Variants in DEUP1 observed in about 807,000 individuals in gnomAD.
DEUP1 encodes coiled-coil domain containing 67.
In DEUP1, 82 loss-of-function variants were observed where a neutral mutation model predicts 87.4. The observed-to-expected ratio is 0.94, with a 90% CI of 0.78 to 1.13. The LOEUF (loss-of-function observed/expected upper bound fraction) is 1.13. Ranked by LOEUF, DEUP1 falls within the 50% of genes most tolerant of loss-of-function variation. The pLI is 0.00. For synonymous variants in DEUP1, 214 were observed against 222.7 expected (o/e 0.96, Z 0.35); for missense variants, 663 against 681.5 (o/e 0.97, Z 0.30).
At chr11:93,382,472 G>A (rs1565322986) in intron 7 of DEUP1, among the ~76,000 whole-genome samples, 2 of 152,018 alleles carry the variant, frequency 1.3e-5, no homozygotes, top group Non-Finnish European at 1.5e-5. Flanking sequence ...CTTTTTTCCT[G>A]TCAATGGTGT....
intron 13 of DEUP1, among the ~76,000 whole-genome samples, chr11:93,436,728 A>G (rs952487080): frequency 2.6e-5 from 4 of 152,198 alleles, no homozygotes; most frequent in African/African-American, 9.6e-5. Context: ...CATTCTTCCT[A>G]CCAAAATGAA....
intron 2 of DEUP1, among the ~76,000 whole-genome samples, chr11:93,335,959 A>G (rs1241950596): frequency 1.3e-5 from 2 of 152,064 alleles, no homozygotes; most frequent in African/African-American, 4.8e-5. Flanking sequence ...TACTAAAAAT[A>G]AAAATTAGCC....
intron 11 of DEUP1, among the ~76,000 whole-genome samples, chr11:93,404,401 G>C (rs927748953): frequency 6.6e-6 from 1 of 151,958 alleles, no homozygotes; most frequent in Non-Finnish European, 1.5e-5. Flanking sequence ...CTCAGAATCT[G>C]TGGTAATTTT....
At chr11:93,331,358 G>A (rs981886023) in intron 1 of DEUP1, among the ~76,000 whole-genome samples, 1 of 144,926 alleles carries the variant, frequency 6.9e-6, no homozygotes, top group Non-Finnish European at 1.5e-5. Context: ...TTGTGTTACT[G>A]AGAAAAACTT....
intron 13 of DEUP1, among the ~76,000 whole-genome samples, chr11:93,415,958 C>A (rs914651991): frequency 6.6e-6 from 1 of 151,970 alleles, no homozygotes; most frequent in Admixed American, 6.6e-5. Context: ...CCAAAAAATT[C>A]TTTTATGAGT....
At position 93,373,640 on chromosome 11, in the gene DEUP1, TATATATATATAC is replaced by T. The variant is rs1565316514; in HGVS notation, c.789+2361_789+2372del. Among the ~76,000 whole-genome samples, 432 of 142,354 alleles carry T rather than the reference TATATATATATAC, an allele frequency of 3.0e-3. 3 individuals carry two copies. The highest frequency in any genetic ancestry group is 1.0e-2 in the African/African-American group (391 of 39,180). 93.4% of individuals were successfully genotyped at this position (142,354 alleles called of 152,430 possible). ...ATATATATACGTATATATATATATA[TATATATATATAC>T]GTATATATATGCCACATTTTCTTTA... On this transcript the variant is annotated intron_variant, in intron 7 of 13. Transcript: ENST00000298050.
At chr11:93,341,902 C>T (rs1399985763) in intron 2 of DEUP1, among the ~76,000 whole-genome samples, 2 of 152,188 alleles carry the variant, frequency 1.3e-5, no homozygotes, top group Non-Finnish European at 1.5e-5. Flanking sequence ...AGGGGAGAAT[C>T]TTTTCCTTGT....
At chr11:93,368,987 C>T (rs1440773110) in intron 5 of DEUP1, among the ~76,000 whole-genome samples, 2 of 151,534 alleles carry the variant, frequency 1.3e-5, no homozygotes, top group African/African-American at 2.4e-5. Flanking sequence ...CACCAGCCAC[C>T]CCCCAACACA....
Position 93,385,552 on chromosome 11 carries a change from T to C in DEUP1, c.935+9T>C, listed in dbSNP as rs1023143223. The stretch of plus-strand genomic sequence containing the variant: ...CAAGGAAATAAAACAAGGTATAATC[T>C]TTATATTTGACAATCTGAGAGAACT... On this transcript the variant is annotated intron_variant, in intron 8 of 13. Coordinates refer to ENST00000298050, the MANE Select transcript of DEUP1 (RefSeq NM_181645.4). 4 of 1,578,336 alleles carry C rather than the reference T, an allele frequency of 2.5e-6. No individual in the cohort carries two copies. The African/African-American group carries it at 4.1e-5, about 16-fold the overall frequency.
intron 2 of DEUP1, among the ~76,000 whole-genome samples, chr11:93,345,952 A>T (rs3019219): frequency 0.57 from 85,855 of 151,920 alleles, 24,749 homozygotes; most frequent in Admixed American, 0.67. Context: ...TAGAATAGTG[A>T]TGCCTAGGTT....
intron 9 of DEUP1, among the ~76,000 whole-genome samples, chr11:93,391,498 A>G (rs1946764027): frequency 6.6e-6 from 1 of 152,122 alleles, no homozygotes; most frequent in African/African-American, 2.4e-5. Context: ...TCACGAGGTC[A>G]GGAGTTTGAG....
intron 11 of DEUP1, among the ~76,000 whole-genome samples, chr11:93,397,244 T>C (rs1381969995): frequency 3.3e-5 from 5 of 152,196 alleles, no homozygotes; most frequent in African/African-American, 1.2e-4. Context: ...GTTCTCATAA[T>C]GGTCCATATT....
chr11:93,437,717 T>G lies in DEUP1; in HGVS notation c.1813T>G (p.Ter605GlyextTer41). 6.3e-7 allele frequency: 1 copy of G among 1,575,696 alleles called. No individual in the cohort carries two copies. Among genetic ancestry groups the G allele is most frequent in the Admixed American group, 1.7e-5 (1 of 58,656 alleles). Residue 605 changes from the stop codon to glycine (G), a stop_lost, in exon 14 of 14, where the codon TGA (stop) becomes GGA (glycine). Coordinates refer to ENST00000298050, the MANE Select transcript of DEUP1 (RefSeq NM_181645.4). ...YSKLKQNRHI[*>G] is the part of the protein sequence containing the mutation. Reference sequence around the variant, plus strand: ...CAAGCTAAAACAAAATAGACACATATGAGCTTTTAAACTTTTTTATTTGCT... The same window carrying G: ...CAAGCTAAAACAAAATAGACACATAGGAGCTTTTAAACTTTTTTATTTGCT...
chr11:93,372,285 G>T (rs1250407583), intron 7 of DEUP1, among the ~76,000 whole-genome samples: 3 of 151,978 alleles, frequency 2.0e-5, no homozygotes, highest in Non-Finnish European at 4.4e-5. Flanking sequence ...TCCCATTTTA[G>T]GTTTTTTCTC....
intron 5 of DEUP1, among the ~76,000 whole-genome samples, chr11:93,367,813 T>C (rs915064958): frequency 6.6e-6 from 1 of 152,226 alleles, no homozygotes; most frequent in African/African-American, 2.4e-5. Context: ...TGTTGTTTTC[T>C]TTACAACATT....
chr11:93,435,241 G>A (rs1256192833), intron 13 of DEUP1, among the ~76,000 whole-genome samples: 1 of 152,044 alleles, frequency 6.6e-6, no homozygotes, highest in African/African-American at 2.4e-5. Flanking sequence ...TGGTCTCCTT[G>A]AGGGATGATG....
At chr11:93,402,552 A>G (rs1947150209) in intron 11 of DEUP1, among the ~76,000 whole-genome samples, 1 of 151,874 alleles carries the variant, frequency 6.6e-6, no homozygotes, top group African/African-American at 2.4e-5. Context: ...AGATACCTGC[A>G]CTCCTGTGTT....
chr11:93,331,946 T>C (rs1396253162), intron 1 of DEUP1, among the ~76,000 whole-genome samples: 2 of 151,966 alleles, frequency 1.3e-5, no homozygotes, highest in East Asian at 3.9e-4. Context: ...GAGGCTGAGG[T>C]GGGAGAATCG....
intron 4 of DEUP1, 117 bp from the exon 5 acceptor site, chr11:93,364,043 A>G: frequency 1.4e-6 from 1 of 709,526 alleles, no homozygotes; most frequent in South Asian, 2.0e-5. Flanking sequence ...TTTAAGCTTT[A>G]CTGCACTTTC....
Sources: allele counts gnomAD v4.1 joint callset (sites outside exome capture counted in the v4.1 genomes callset), GRCh38; gene constraint gnomAD v4.1.1; transcripts MANE v1.5; gene names NCBI Gene and HGNC (gene_info 2026-07-23, HGNC 2026-07-21).